Variants in WNT10A observed in about 807,000 individuals in gnomAD.
WNT10A encodes the protein Wnt family member 10A.
A neutral mutation model predicts 36.1 loss-of-function variants in WNT10A; 37 were observed. That is an observed-to-expected ratio of 1.02 (90% CI 0.79 to 1.35). WNT10A has a LOEUF of 1.35. WNT10A is among the 40% of genes most tolerant of loss of function. The pLI is 0.00. For missense variants in WNT10A, 613 were observed against 601.4 expected, an observed-to-expected ratio of 1.02 and a Z score of -0.20; for synonymous variants, 255 against 254.1, an observed-to-expected ratio of 1.00 and a Z score of -0.03.
intron 2 of WNT10A, among the ~76,000 whole-genome samples, 154 bp from the exon 3 acceptor site, chr2:218,889,830 C>T (rs900338361): frequency 2.6e-5 from 4 of 152,334 alleles, no homozygotes; most frequent in South Asian, 4.1e-4. Flanking sequence ...TGGCTTCTGG[C>T]GTGATTTCTG....
intron 2 of WNT10A, among the ~76,000 whole-genome samples, chr2:218,887,524 T>C (rs951552290): frequency 6.6e-6 from 1 of 152,110 alleles, no homozygotes; most frequent in Non-Finnish European, 1.5e-5. Context: ...AGCATCCCCA[T>C]AGAAGGTTCC....
In WNT10A at chr2:218,889,989, C is replaced by G; in HGVS notation, c.382C>G (p.Arg128Gly). ...YESPIFSRGF[R>G]ESAFAYAIAA... The stretch of plus-strand genomic sequence containing the variant: ...TTCTGGGTCTTTAACCACAGGTTTC[C>G]GAGAGAGCGCTTTTGCCTACGCCAT... The change falls in exon 3 of 4, where the codon CGA (arginine) becomes GGA (glycine). Residue 128 changes from arginine to glycine, a missense_variant. Arg to Gly is a moderately radical substitution (Grantham distance 125, BLOSUM62 -2). Transcript: ENST00000258411. 6.2e-7 allele frequency: 1 copy of G among 1,612,660 alleles called. No individual in the cohort carries two copies. The highest frequency in any genetic ancestry group is 8.5e-7 in the Non-Finnish European group (1 of 1,180,046).
At chr2:218,883,847 C>A (rs1944548152) in intron 2 of WNT10A, 1 of 152,442 alleles carries the variant, frequency 6.6e-6, no homozygotes, top group Non-Finnish European at 1.5e-5. Flanking sequence ...CCGCCGCCTG[C>A]GCGCCGACAC....
At chr2:218,889,390 T>G (rs1944618611) in intron 2 of WNT10A, among the ~76,000 whole-genome samples, 2 of 152,248 alleles carry the variant, frequency 1.3e-5, no homozygotes, top group African/African-American at 4.8e-5. Context: ...AACATGCGTG[T>G]GCAAGTATCT....
upstream of WNT10A, among the ~76,000 whole-genome samples, chr2:218,876,381 G>C (rs1418327747): frequency 6.6e-6 from 1 of 152,164 alleles, no homozygotes; most frequent in Non-Finnish European, 1.5e-5. Flanking sequence ...CCCTCACCGT[G>C]GCTTCCAGGA....
intron 2 of WNT10A, among the ~76,000 whole-genome samples, chr2:218,889,300 G>T (rs73084771): frequency 1.7e-4 from 26 of 152,296 alleles, no homozygotes; most frequent in African/African-American, 5.5e-4. Flanking sequence ...TATTTATACT[G>T]CAATTTCTTT....
Position 218,890,268 on chromosome 2 carries a change from G to A in WNT10A, c.661G>A (p.Gly221Arg), listed in dbSNP as rs775380022. 6 of 1,611,898 alleles carry A rather than the reference G, an allele frequency of 3.7e-6. No homozygotes were observed. The highest frequency in any genetic ancestry group is 1.1e-5 in the South Asian group (1 of 91,074). Residue 221 changes from glycine (G) to arginine (R), a missense_variant, in exon 3 of 4, where the codon GGG becomes AGG. Gly to Arg is a moderately radical substitution (Grantham distance 125). Transcript: ENST00000258411. The part of the protein sequence containing the change: ...WGGCSPDMGF[G>R]ERFSKDFLDS... ...CGGCTGCAGCCCCGACATGGGCTTCGGGGAGCGCTTTTCTAAGGACTTTCT... is the reference window on the plus strand; with the variant it reads ...CGGCTGCAGCCCCGACATGGGCTTCAGGGAGCGCTTTTCTAAGGACTTTCT...
At chr2:218,880,770 C>T (rs1944501326), upstream of WNT10A, 9 of 487,280 alleles carry the variant, frequency 1.8e-5, no homozygotes. This position sits in a 1 kb window ranked among gnomAD's most constrained non-coding sequence, Gnocchi z 7.7. Context: ...AGGAGGTGCC[C>T]GGTTCGCCCG....
chr2:218,885,532 TGTG>T lies in WNT10A; in HGVS notation c.376+3112_376+3114del. On this transcript the variant is annotated intron_variant, in intron 2 of 3. Coordinates refer to ENST00000258411, the MANE Select transcript of WNT10A (RefSeq NM_025216.3). The stretch of plus-strand genomic sequence containing the variant: ...CAGGGAGAGGCTTGATGGAGGGAAA[TGTG>T]GTAGATTCACACAGCAAGCCCTGGG... 2.0e-5 allele frequency among the ~76,000 whole-genome samples: 3 copies of T among 152,128 alleles called. No homozygotes were observed. In the Middle Eastern group the frequency reaches 0.01, roughly 517 times the overall value.
the WNT10A span, chr2:218,874,304 A>G: frequency 3.1e-5 from 5 of 160,566 alleles, no homozygotes; most frequent in African/African-American, 1.2e-4. Context: ...TGGTTTTGCT[A>G]GAACTAGCAC....
In WNT10A at chr2:218,892,557, G is replaced by C. The variant is rs57897012; in HGVS notation, c.757-217G>C. Among the ~76,000 whole-genome samples the C allele has an allele frequency of 6.3e-3, 966 of 152,314 alleles. 11 individuals are homozygous for C. Among genetic ancestry groups the C allele is most frequent in the Middle Eastern group, 0.027 (8 of 294 alleles). ...AGCCGGCAGGTGGGAATTCCCCCGGGGCCTGGCCTGGTGGGAGGTGGGTGG... is the reference window on the plus strand; with the variant it reads ...AGCCGGCAGGTGGGAATTCCCCCGGCGCCTGGCCTGGTGGGAGGTGGGTGG... On this transcript the variant is annotated intron_variant, in intron 3 of 3. Transcript: ENST00000258411.
intron 2 of WNT10A, among the ~76,000 whole-genome samples, chr2:218,886,195 A>G (rs1309569748): frequency 6.6e-6 from 1 of 152,038 alleles, no homozygotes; most frequent in African/African-American, 2.4e-5. Flanking sequence ...AAGAAGTGAA[A>G]CTGATATGCA....
Position 218,890,089 on chromosome 2 carries a change from C to G in WNT10A, c.482C>G (p.Ala161Gly). 6.2e-7 allele frequency: 1 copy of G among 1,614,110 alleles called. No homozygotes were observed. The highest frequency in any genetic ancestry group is 8.5e-7 in the Non-Finnish European group (1 of 1,180,032). The change falls in exon 3 of 4, where the codon GCG becomes GGG. Residue 161 changes from alanine to glycine, a missense_variant. Transcript: ENST00000258411. ...LGKLKACGCDASRRGDEEAFR... is the reference protein window; with the variant it reads ...LGKLKACGCDGSRRGDEEAFR... ...AAACTGAAGGCCTGTGGCTGTGATG[C>G]GTCCCGGCGAGGGGACGAGGAGGCC... is the stretch of plus-strand genomic sequence containing the variant.
intron 3 of WNT10A, among the ~76,000 whole-genome samples, chr2:218,891,855 T>G (rs1419440049): frequency 6.6e-6 from 1 of 152,166 alleles, no homozygotes; most frequent in Non-Finnish European, 1.5e-5. Context: ...CAGGGTGTGT[T>G]TTCGGAGTGG....
In WNT10A at chr2:218,893,152, C is replaced by A; in HGVS notation, c.1135C>A (p.Arg379Ser). 1 of 1,589,980 alleles carries A rather than the reference C, an allele frequency of 6.3e-7. No individual in the cohort carries two copies. Among genetic ancestry groups the A allele is most frequent in the Non-Finnish European group, 8.5e-7 (1 of 1,175,594 alleles). ...SDGCGSMCCG[R>S]GHNILRQTRS... ...TGGCTGCGGCAGCATGTGCTGCGGC[C>A]GCGGCCACAACATCCTGCGCCAGAC... Residue 379 changes from arginine to serine, a missense_variant, in exon 4 of 4, where the codon CGC (arginine) becomes AGC (serine). Coordinates refer to ENST00000258411, the MANE Select transcript of WNT10A (RefSeq NM_025216.3). The surrounding 1 kb of genome is among the most constrained non-coding windows in gnomAD (Gnocchi z 6.3).
At position 218,882,427 on chromosome 2, in the gene WNT10A, G is replaced by A; in HGVS notation, c.376+4G>A. ...GAGAGTCCCATCTTCAGCAGAGGTAGCTGCCCCTCACCCCTGCCCCTGCCT... is the reference window on the plus strand; with the variant it reads ...GAGAGTCCCATCTTCAGCAGAGGTAACTGCCCCTCACCCCTGCCCCTGCCT... On this transcript the variant is annotated splice_donor_region_variant and intron_variant, in intron 2 of 3. Coordinates refer to ENST00000258411, the MANE Select transcript of WNT10A (RefSeq NM_025216.3). 1 of 1,614,020 alleles carries A rather than the reference G, an allele frequency of 6.2e-7. No homozygotes were observed. The highest frequency in any genetic ancestry group is 1.7e-5 in the Admixed American group (1 of 60,012).
chr2:218,878,761 C>G (rs925025906), upstream of WNT10A, among the ~76,000 whole-genome samples: 2 of 152,174 alleles, frequency 1.3e-5, no homozygotes, highest in African/African-American at 4.8e-5. The surrounding 1 kb of genome is among the most constrained non-coding windows in gnomAD (Gnocchi z 4.1). Flanking sequence ...TTATGAGTCC[C>G]TTCCCTGTGT....
chr2:218,879,822 G>A (rs1017307548), upstream of WNT10A, among the ~76,000 whole-genome samples: 1 of 152,174 alleles, frequency 6.6e-6, no homozygotes, highest in Non-Finnish European at 1.5e-5. Context: ...GAAATAAAGG[G>A]GAGCTAAATA....
rs77272502 is a variant in WNT10A, at chr2:218,893,702, C to T, written c.*431C>T. The T allele has an allele frequency of 9.2e-3, 1,538 of 167,288 alleles. 10 individuals carry two copies. Among genetic ancestry groups the T allele is most frequent in the Non-Finnish European group, 0.014 (1,114 of 78,578 alleles). 10.4% of individuals were successfully genotyped at this position (167,288 alleles called of 1,614,324 possible). On this transcript the variant is annotated 3_prime_UTR_variant, in exon 4 of 4. Coordinates refer to ENST00000258411, the MANE Select transcript of WNT10A (RefSeq NM_025216.3). The surrounding 1 kb of genome is among the most constrained non-coding windows in gnomAD (Gnocchi z 6.3). ...TAGACATAACTGAGCTGAAGTAATT[C>T]CATAAAGGGCCCAGACAGCCTCCTC...
Sources: gnomAD v4.1 joint callset for allele counts (sites outside exome capture counted in the v4.1 genomes callset) on GRCh38, gnomAD v4.1.1 for gene constraint, Gnocchi (gnomAD v3.1) non-coding constraint, MANE v1.5 for transcripts, NCBI Gene and HGNC (gene_info 2026-07-23, HGNC 2026-07-21) for gene names.